SDCCAG8: variants seen among roughly 807,000 people sequenced by gnomAD.
The protein encoded by SDCCAG8 is SHH signaling and ciliogenesis regulator SDCCAG8.
Under a neutral mutation model 101.8 loss-of-function variants are expected in SDCCAG8, and 74 were observed. The ratio of observed to expected loss-of-function variants is 0.73; its 90% CI spans 0.60 to 0.88. The LOEUF (loss-of-function observed/expected upper bound fraction) is 0.88, where lower values mean the gene tolerates loss of function less well. Ranked by LOEUF, SDCCAG8 falls within the 40% of genes least tolerant of loss-of-function variation. The pLI, the probability that SDCCAG8 is intolerant of heterozygous loss-of-function variation, is 0.00. For synonymous variants in SDCCAG8, 281 were observed against 292.9 expected (o/e 0.96, Z 0.41); for missense variants, 787 against 822.6 (o/e 0.96, Z 0.53).
intron 3 of SDCCAG8, 89 bp downstream of exon 3, chr1:243,271,152 A>AG: frequency 1.2e-6 from 1 of 866,852 alleles, no homozygotes; most frequent in Non-Finnish European, 2.0e-6. Context: ...AAAAAATTTA[A>AG]GCATGGCATA....
intron 3 of SDCCAG8, among the ~76,000 whole-genome samples, chr1:243,273,678 C>T (rs1047735383): frequency 6.6e-6 from 1 of 152,310 alleles, no homozygotes; most frequent in Non-Finnish European, 1.5e-5. Flanking sequence ...TGGCATCAAA[C>T]GCTTCCTAAA....
At chr1:243,354,776 C>G (rs2076290780) in intron 12 of SDCCAG8, among the ~76,000 whole-genome samples, 2 of 152,236 alleles carry the variant, frequency 1.3e-5, no homozygotes, top group African/African-American at 4.8e-5. Flanking sequence ...TAGTTCTGGA[C>G]ACAGATGACC....
In SDCCAG8 at chr1:243,499,981, G is replaced by A. The variant is rs1161540311; in HGVS notation, c.*196G>A. 4.8e-6 allele frequency: 3 copies of A among 628,104 alleles called. No individual in the cohort carries two copies. The highest frequency in any genetic ancestry group is 5.5e-5 in the East Asian group (2 of 36,488). The allele number at this position is 628,104 out of a possible 1,614,324, so 38.9% of individuals were successfully genotyped here. ...GGAGCTGGAGTCTGACTCTAGCTGA[G>A]CAGAGCTCCTGGTGTATGTTTTCAG... On this transcript the variant is annotated 3_prime_UTR_variant, in exon 18 of 18. Transcript: ENST00000366541.
At chr1:243,467,317 A>G (rs1016312243) in intron 16 of SDCCAG8, among the ~76,000 whole-genome samples, 8 of 152,232 alleles carry the variant, frequency 5.3e-5, no homozygotes, top group African/African-American at 1.9e-4. Flanking sequence ...CTGTGGTACC[A>G]GAGGAGAGAA....
chr1:243,272,938 C>T (rs578187262), intron 3 of SDCCAG8, among the ~76,000 whole-genome samples: 2 of 152,276 alleles, frequency 1.3e-5, no homozygotes, highest in South Asian at 2.1e-4. Context: ...GATATCTAAA[C>T]TAAAGCCCTT....
intron 16 of SDCCAG8, among the ~76,000 whole-genome samples, chr1:243,462,648 A>AT (rs34808975): frequency 0.82 from 124,709 of 151,996 alleles, 51,386 homozygotes; most frequent in East Asian, 0.92. Context: ...TTTACATTGT[A>AT]TTTTTTTCAC....
Position 243,325,159 on chromosome 1 carries a change from C to A in SDCCAG8, c.1069-5381C>A, listed in dbSNP as rs1029884466. ...ATTGTATTTCACACATGACCATTTA[C>A]GTCTTAATTAACAATAAATGTTTGT... On this transcript the variant is annotated intron_variant, in intron 9 of 17. Coordinates refer to ENST00000366541, the MANE Select transcript of SDCCAG8 (RefSeq NM_006642.5). Among the ~76,000 whole-genome samples the A allele has an allele frequency of 2.6e-5, 4 of 152,110 alleles. No individual in the cohort carries two copies. The East Asian group carries it at 7.7e-4, about 29-fold the overall frequency.
rs1040367813 is a variant in SDCCAG8, at chr1:243,341,076, C to T, written c.1259C>T (p.Ala420Val). The T allele has an allele frequency of 2.5e-6, 4 of 1,613,104 alleles. No individual in the cohort carries two copies. Among genetic ancestry groups the T allele is most frequent in the South Asian group, 1.1e-5 (1 of 91,054 alleles). The part of the protein sequence containing the change: ...ILSQNIAQLE[A>V]QVEKVTKEKI... The stretch of plus-strand genomic sequence containing the variant: ...TCTCAGAATATTGCCCAACTGGAGG[C>T]CCAGGTGGAAAAGGTTACAAAGGAA... The change falls in exon 11 of 18, where the codon GCC (alanine) becomes GTC (valine). Residue 420 changes from alanine to valine, a missense_variant. By Grantham distance (64) the Ala-to-Val change is moderately conservative. Transcript: ENST00000366541.
chr1:243,489,107 C>A lies in SDCCAG8; in HGVS notation c.2079C>A (p.Ser693Arg). 1 of 1,613,068 alleles carries A rather than the reference C, an allele frequency of 6.2e-7. No homozygotes were observed. Among genetic ancestry groups the A allele is most frequent in the Non-Finnish European group, 8.5e-7 (1 of 1,179,986 alleles). The change falls in exon 17 of 18, where the codon AGC becomes AGA. Residue 693 changes from serine (S) to arginine (R), a missense_variant. Transcript: ENST00000366541. Reference sequence around the variant, plus strand: ...ACCAGCTTCTCCTGGAGAGGCAGAGCCTGTCGGAAGAGGTGGACCGGCTGC... The same window carrying A: ...ACCAGCTTCTCCTGGAGAGGCAGAGACTGTCGGAAGAGGTGGACCGGCTGC... ...KQNQLLLERQ[S>R]LSEEVDRLRT...
intron 16 of SDCCAG8, among the ~76,000 whole-genome samples, chr1:243,439,527 A>G (rs1420572958): frequency 6.6e-6 from 1 of 151,706 alleles, no homozygotes; most frequent in African/African-American, 2.4e-5. Context: ...CCAGAGGCTG[A>G]GGCAGGAGAA....
In SDCCAG8 at chr1:243,300,896, G is replaced by T. The variant is rs574774213; in HGVS notation, c.676-3817G>T. ...TGTATTTTTCTGAAGAAATGTACCA[G>T]AATTTTTTTTGAGATTTGTGGCAAT... On this transcript the variant is annotated intron_variant, in intron 6 of 17. Coordinates refer to ENST00000366541, the MANE Select transcript of SDCCAG8 (RefSeq NM_006642.5). 1.1e-4 allele frequency among the ~76,000 whole-genome samples: 16 copies of T among 152,140 alleles called. No individual in the cohort carries two copies. In the South Asian group the frequency reaches 2.7e-3, roughly 26 times the overall value.
intron 8 of SDCCAG8, among the ~76,000 whole-genome samples, chr1:243,316,066 C>T (rs1398769818): frequency 6.6e-6 from 1 of 152,214 alleles, no homozygotes. Flanking sequence ...TTCACTTCTA[C>T]TCCCAATAAA....
chr1:243,485,159 C>T (rs1002193333), intron 16 of SDCCAG8, among the ~76,000 whole-genome samples: 4 of 152,086 alleles, frequency 2.6e-5, no homozygotes, highest in East Asian at 1.9e-4. Context: ...GACACTTGGG[C>T]GCTGGCTCGA....
chr1:243,461,843 C>T (rs1323421259), intron 16 of SDCCAG8, among the ~76,000 whole-genome samples: 1 of 152,160 alleles, frequency 6.6e-6, no homozygotes, highest in Non-Finnish European at 1.5e-5. Context: ...TTCACCTCCA[C>T]CTGGCCCACA....
chr1:243,383,261 C>T (rs1416422444), intron 13 of SDCCAG8, among the ~76,000 whole-genome samples: 1 of 152,148 alleles, frequency 6.6e-6, no homozygotes, highest in Non-Finnish European at 1.5e-5. Flanking sequence ...GGGGAGGTCC[C>T]CAGACAGCCT....
chr1:243,288,080 C>T (rs2069808618), intron 5 of SDCCAG8, among the ~76,000 whole-genome samples: 1 of 152,112 alleles, frequency 6.6e-6, no homozygotes, highest in Admixed American at 6.6e-5. Flanking sequence ...GCAGATATGC[C>T]AGATGACCTT....
intron 10 of SDCCAG8, among the ~76,000 whole-genome samples, chr1:243,339,307 C>A (rs1340823328): frequency 6.6e-6 from 1 of 152,116 alleles, no homozygotes; most frequent in East Asian, 1.9e-4. Context: ...TGTATGTCCA[C>A]ATAAATAAGT....
At chr1:243,429,695 ATTTTTTTTTTTT>A (rs796450909) in intron 16 of SDCCAG8, among the ~76,000 whole-genome samples, 2 of 92,938 alleles carry the variant, frequency 2.2e-5, no homozygotes, top group Non-Finnish European at 4.0e-5. Flanking sequence ...TGCTCTGCTA[ATTTTTTTTTTTT>A]TTTTTTTTTT....
chr1:243,419,560 A>G (rs2080844920), intron 15 of SDCCAG8, among the ~76,000 whole-genome samples: 1 of 152,212 alleles, frequency 6.6e-6, no homozygotes, highest in South Asian at 2.1e-4. Flanking sequence ...AAAAGAGACA[A>G]AAAGGTGCTT....
Sources: allele counts gnomAD v4.1 joint callset (sites outside exome capture counted in the v4.1 genomes callset), GRCh38; gene constraint gnomAD v4.1.1; transcripts MANE v1.5; gene names NCBI Gene and HGNC (gene_info 2026-07-23, HGNC 2026-07-21).